LIMCH1: variants seen among roughly 807,000 people sequenced by gnomAD.
The protein encoded by LIMCH1 is LIM and calponin homology domains-containing protein 1.
In LIMCH1, 113 loss-of-function variants were observed where a neutral mutation model predicts 176.5. The observed-to-expected ratio is 0.64, with a 90% CI of 0.55 to 0.75. The LOEUF is 0.75. Among genes scored for constraint, LIMCH1 ranks in the 30% least tolerant of loss-of-function variants. LIMCH1 has a pLI of 0.00. For missense variants in LIMCH1, 1,674 were observed against 1,814.9 expected (o/e 0.92, Z 1.41); for synonymous variants, 619 against 645.9 (o/e 0.96, Z 0.63).
At chr4:41,669,387 C>T (rs1026195573) in intron 21 of LIMCH1, among the ~76,000 whole-genome samples, 3 of 152,160 alleles carry the variant, frequency 2.0e-5, no homozygotes, top group African/African-American at 7.2e-5. Flanking sequence ...AAACTACTCT[C>T]GAATCCTTTC....
At position 41,681,087 on chromosome 4, in the gene LIMCH1, T is replaced by C. The variant is rs776968451; in HGVS notation, c.3717+28T>C. Reference sequence around the variant, plus strand: ...GAGACCACAGATTAAAAGCAATTTGTGAAATAAATAAACCTAAATGGAAGT... The same window carrying C: ...GAGACCACAGATTAAAAGCAATTTGCGAAATAAATAAACCTAAATGGAAGT... On this transcript the variant is annotated intron_variant, in intron 25 of 31. Coordinates refer to ENST00000503057, the MANE Select transcript of LIMCH1 (RefSeq NM_001330672.2). 4.3e-6 allele frequency: 6 copies of C among 1,398,978 alleles called. No homozygotes were observed. In the East Asian group the frequency reaches 1.1e-4, roughly 27 times the overall value. 86.7% of individuals were successfully genotyped at this position (1,398,978 alleles called of 1,614,324 possible).
intron 1 of LIMCH1, among the ~76,000 whole-genome samples, chr4:41,365,177 C>T (rs757527431): frequency 2.5e-4 from 38 of 152,218 alleles, no homozygotes; most frequent in Non-Finnish European, 4.7e-4. Flanking sequence ...AGTTCCTGGA[C>T]TCCTTTACCT....
intron 3 of LIMCH1, among the ~76,000 whole-genome samples, chr4:41,528,581 G>T (rs1561643420): frequency 6.6e-6 from 1 of 152,256 alleles, no homozygotes; most frequent in East Asian, 1.9e-4. Flanking sequence ...ACATCAGGTT[G>T]GTTTTTTCAC....
chr4:41,629,834 G>T (rs1263575189), intron 9 of LIMCH1, 100 bp downstream of exon 9: 3 of 1,325,792 alleles, frequency 2.3e-6, no homozygotes, highest in Admixed American at 2.7e-5. Context: ...TTTTGTCAGG[G>T]TCTTGCTCTG....
chr4:41,481,042 C>T (rs2068527983), intron 1 of LIMCH1, among the ~76,000 whole-genome samples: 1 of 150,944 alleles, frequency 6.6e-6, no homozygotes, highest in African/African-American at 2.4e-5. Flanking sequence ...TTTGTAGACT[C>T]TGTCAGTCTG....
chr4:41,419,580 T>TTCCTTCCG (rs2060281912), intron 1 of LIMCH1, among the ~76,000 whole-genome samples: 1 of 80,538 alleles, frequency 1.2e-5, no homozygotes, highest in South Asian at 5.3e-4. Context: ...CCTTCCTTCC[T>TTCCTTCCG]TCCTTCCTTC....
At chr4:41,621,708 G>A (rs984545436) in intron 7 of LIMCH1, among the ~76,000 whole-genome samples, 3 of 152,056 alleles carry the variant, frequency 2.0e-5, no homozygotes, top group Admixed American at 6.5e-5. Flanking sequence ...TACCAGGTTG[G>A]CCAGGCTAGT....
chr4:41,531,474 TCACACACACACA>T (rs59275736), intron 3 of LIMCH1, among the ~76,000 whole-genome samples: 23 of 127,082 alleles, frequency 1.8e-4, no homozygotes, highest in East Asian at 4.6e-4. Context: ...TCTTTCTCTG[TCACACACACACA>T]CACACACACA....
chr4:41,406,776 T>A (rs935924063), intron 1 of LIMCH1, among the ~76,000 whole-genome samples: 5 of 152,152 alleles, frequency 3.3e-5, no homozygotes, highest in African/African-American at 9.7e-5. Flanking sequence ...TCCTTTGATG[T>A]GTGTGGTAAG....
chr4:41,367,883 A>G (rs1312756981), intron 1 of LIMCH1, among the ~76,000 whole-genome samples: 13 of 150,706 alleles, frequency 8.6e-5, no homozygotes, highest in South Asian at 2.1e-4. Context: ...AAAAAAAAAA[A>G]AAAGAAATCA....
At chr4:41,431,442 G>T (rs566745887) in intron 1 of LIMCH1, among the ~76,000 whole-genome samples, 6 of 152,250 alleles carry the variant, frequency 3.9e-5, no homozygotes, top group Non-Finnish European at 7.3e-5. Flanking sequence ...TAAGTATATG[G>T]TTTATATAAA....
intron 1 of LIMCH1, among the ~76,000 whole-genome samples, chr4:41,467,166 C>T (rs199844715): frequency 0.046 from 2,250 of 49,222 alleles, 63 homozygotes; most frequent in African/African-American, 0.22. Flanking sequence ...TATACACACA[C>T]ACACACACAC....
chr4:41,646,490 G>A lies in LIMCH1; in HGVS notation c.2417G>A (p.Arg806Gln), dbSNP rs140689582. 80 of 1,608,224 alleles carry A rather than the reference G, an allele frequency of 5.0e-5. No individual in the cohort carries two copies. The highest frequency in any genetic ancestry group is 1.5e-4 in the African/African-American group (11 of 74,702). ...TYREIVQEKERRERELHEAYK... is the reference protein window; with the variant it reads ...TYREIVQEKEQRERELHEAYK... ...GCTTCTCCCATGTCCTTTAGAGAGC[G>A]GAGAGAGAGAGAGCTGCATGAAGCA... The change falls in exon 17 of 32, where the codon CGG (arginine) becomes CAG (glutamine). Residue 806 changes from arginine to glutamine, a missense_variant. Arg to Gln is a conservative substitution (Grantham distance 43, BLOSUM62 1). This residue lies in a region of LIMCH1 where 1,015 missense variants were observed against 1,102.5 expected (regional missense o/e 0.92). Coordinates refer to ENST00000503057, the MANE Select transcript of LIMCH1 (RefSeq NM_001330672.2).
intron 1 of LIMCH1, among the ~76,000 whole-genome samples, chr4:41,401,152 T>G (rs2058397345): frequency 6.6e-6 from 1 of 152,244 alleles, no homozygotes; most frequent in Non-Finnish European, 1.5e-5. Context: ...TTCTAGGGTT[T>G]TTATGGTTTT....
At position 41,643,507 on chromosome 4, in the gene LIMCH1, A is replaced by C. The variant is rs139148989; in HGVS notation, c.2127-993A>C. Among the ~76,000 whole-genome samples, 247 of 152,190 alleles carry C rather than the reference A, an allele frequency of 1.6e-3. 2 individuals are homozygous for C. The highest frequency in any genetic ancestry group is 5.7e-3 in the African/African-American group (238 of 41,540). ...GGAGGAGGATTTTGCTTTGGTTTCT[A>C]TTTCTGTTTTCATCTTGCTGCTTCA... On this transcript the variant is annotated intron_variant, in intron 14 of 31. Coordinates refer to ENST00000503057, the MANE Select transcript of LIMCH1 (RefSeq NM_001330672.2).
intron 1 of LIMCH1, among the ~76,000 whole-genome samples, chr4:41,573,444 T>C (rs1213536986): frequency 6.6e-6 from 1 of 152,246 alleles, no homozygotes; most frequent in Non-Finnish European, 1.5e-5. Context: ...TGTATGTTGA[T>C]ATGTATGTAA....
intron 1 of LIMCH1, among the ~76,000 whole-genome samples, chr4:41,438,344 G>A (rs2062315980): frequency 6.6e-6 from 1 of 151,948 alleles, no homozygotes; most frequent in Non-Finnish European, 1.5e-5. Context: ...TCTGATTACA[G>A]TGCTTGTGCC....
intron 1 of LIMCH1, among the ~76,000 whole-genome samples, chr4:41,467,158 T>TACACACACAC (rs148147336): frequency 3.3e-4 from 48 of 143,548 alleles, no homozygotes; most frequent in African/African-American, 9.7e-4. Flanking sequence ...TATGTATATA[T>TACACACACAC]ACACACACAC....
At chr4:41,595,273 AAG>A (rs757048710) in intron 1 of LIMCH1, among the ~76,000 whole-genome samples, 5 of 152,206 alleles carry the variant, frequency 3.3e-5, no homozygotes, top group Non-Finnish European at 5.9e-5. Flanking sequence ...ATCATAGAGA[AAG>A]AGAAGACAAG....
Sources: allele counts gnomAD v4.1 joint callset (sites outside exome capture counted in the v4.1 genomes callset), GRCh38; gene constraint gnomAD v4.1.1; regional missense constraint gnomAD v4.1.1; transcripts MANE v1.5; gene names NCBI Gene and HGNC (gene_info 2026-07-23, HGNC 2026-07-21).